Variants in CHODL observed in about 807,000 individuals in gnomAD.
The protein encoded by CHODL is chondrolectin.
CHODL carries 29 observed loss-of-function variants against 34.5 expected under a neutral mutation model. The observed-to-expected ratio is 0.84, with a 90% CI of 0.63 to 1.15. The LOEUF is 1.15. Among genes scored for constraint, CHODL ranks in the 50% most tolerant of loss-of-function variants. CHODL has a pLI of 0.00. For missense variants in CHODL, 332 were observed against 332.5 expected (o/e 1.00, Z 0.01); for synonymous variants, 125 against 116.1 (o/e 1.08, Z -0.49).
chr21:18,057,706 A>G (rs974397222), intron 2 of CHODL, among the ~76,000 whole-genome samples: 49 of 152,138 alleles, frequency 3.2e-4, no homozygotes, highest in African/African-American at 1.1e-3. Context: ...AAAATCTTAT[A>G]TAACCCTGAA....
intron 1 of CHODL, among the ~76,000 whole-genome samples, chr21:18,247,013 A>G (rs1364157968): frequency 2.0e-5 from 3 of 152,222 alleles, no homozygotes; most frequent in East Asian, 1.9e-4. Context: ...TTTCCTTATG[A>G]ATAATTCAAT....
chr21:18,187,327 G>A (rs559779250), intron 2 of CHODL, among the ~76,000 whole-genome samples: 2 of 152,010 alleles, frequency 1.3e-5, no homozygotes, highest in East Asian at 3.9e-4. Flanking sequence ...CCTTCATCCT[G>A]GACTGTATGT....
At chr21:18,094,066 G>A (rs972843367) in intron 2 of CHODL, among the ~76,000 whole-genome samples, 4 of 152,158 alleles carry the variant, frequency 2.6e-5, no homozygotes. Flanking sequence ...AAAAGCAATA[G>A]TGTTATACTT....
rs112297025 is a variant in CHODL, at chr21:17,920,069, C to G, written c.-145+2669C>G. Among the ~76,000 whole-genome samples, 518 of 152,314 alleles carry G rather than the reference C, an allele frequency of 3.4e-3. 5 individuals are homozygous for G. The highest frequency in any genetic ancestry group is 0.012 in the African/African-American group (493 of 41,564). ...CAGCATTTTATTCAAAGCCATTCAACAAGTCTCTAGGGAGTTCCAAACTTT... is the reference window on the plus strand; with the variant it reads ...CAGCATTTTATTCAAAGCCATTCAAGAAGTCTCTAGGGAGTTCCAAACTTT... On this transcript the variant is annotated intron_variant, in intron 1 of 6. Transcript: ENST00000400127.
Position 18,144,891 on chromosome 21 carries a change from CAAAGT to C in CHODL, c.-44-111613_-44-111609del, listed in dbSNP as rs2072850174. 2.0e-5 allele frequency among the ~76,000 whole-genome samples: 3 copies of C among 148,008 alleles called. No homozygotes were observed. In the South Asian group the frequency reaches 6.5e-4, roughly 32 times the overall value. ...CAGGTTATATTCAGAATCACATTAA[CAAAGT>C]AAAGGTTCAAAACAGTATTATTTTT... On this transcript the variant is annotated intron_variant, in intron 2 of 6. Transcript: ENST00000400127.
chr21:18,199,784 T>A (rs373101249), intron 2 of CHODL, among the ~76,000 whole-genome samples: 23 of 152,290 alleles, frequency 1.5e-4, no homozygotes, highest in African/African-American at 5.5e-4. Flanking sequence ...GCTTAAGAGC[T>A]TGTTTCTTTT....
At chr21:18,230,705 G>C (rs756430120) in intron 2 of CHODL, among the ~76,000 whole-genome samples, 6 of 151,996 alleles carry the variant, frequency 3.9e-5, no homozygotes, top group Non-Finnish European at 7.4e-5. Flanking sequence ...GGAGTCAAAA[G>C]GTGGGCTAAT....
At chr21:17,955,358 A>T (rs1384759623) in intron 1 of CHODL, among the ~76,000 whole-genome samples, 1 of 137,194 alleles carries the variant, frequency 7.3e-6, no homozygotes, top group African/African-American at 2.5e-5. Context: ...TCCTGAGAAA[A>T]ACCCTGACTT....
intron 2 of CHODL, among the ~76,000 whole-genome samples, chr21:18,074,235 G>A (rs1320220641): frequency 6.6e-6 from 1 of 152,124 alleles, no homozygotes; most frequent in East Asian, 1.9e-4. Context: ...GGAAAGAACA[G>A]GCTATGTGCA....
chr21:18,178,598 G>A (rs2073344661), intron 2 of CHODL, among the ~76,000 whole-genome samples: 1 of 152,090 alleles, frequency 6.6e-6, no homozygotes, highest in South Asian at 2.1e-4. Context: ...TTGCAATAAA[G>A]TACACTAGAG....
intron 2 of CHODL, among the ~76,000 whole-genome samples, chr21:18,161,706 C>T (rs8129034): frequency 0.019 from 2,962 of 152,066 alleles, 87 homozygotes; most frequent in African/African-American, 0.063. Flanking sequence ...TTAACTTTTT[C>T]GGGGAATTTT....
intron 2 of CHODL, among the ~76,000 whole-genome samples, chr21:18,206,108 G>C (rs1210845000): frequency 6.6e-6 from 1 of 152,234 alleles, no homozygotes; most frequent in South Asian, 2.1e-4. Flanking sequence ...GTGTAACCTG[G>C]AATCACTGGA....
chr21:18,113,167 A>C (rs2065371972), intron 2 of CHODL, among the ~76,000 whole-genome samples: 1 of 152,212 alleles, frequency 6.6e-6, no homozygotes, highest in South Asian at 2.1e-4. Context: ...ATATGAAAAG[A>C]TGCTCAATAA....
intron 1 of CHODL, among the ~76,000 whole-genome samples, chr21:18,019,188 G>C (rs956984093): frequency 1.3e-5 from 2 of 152,130 alleles, no homozygotes; most frequent in Non-Finnish European, 2.9e-5. Context: ...ATTATTTTAA[G>C]CTATTTCTTT....
At chr21:18,152,678 A>G (rs1165106809) in intron 2 of CHODL, among the ~76,000 whole-genome samples, 1 of 152,220 alleles carries the variant, frequency 6.6e-6, no homozygotes, top group Non-Finnish European at 1.5e-5. Context: ...CCAGTTTGCT[A>G]AGATGAATCT....
At chr21:18,100,946 C>A (rs1487350286) in intron 2 of CHODL, among the ~76,000 whole-genome samples, 1 of 152,078 alleles carries the variant, frequency 6.6e-6, no homozygotes, top group Non-Finnish European at 1.5e-5. Flanking sequence ...GTCTACTCAG[C>A]AGTAAATTGG....
At chr21:18,130,417 G>A (rs2146593653) in intron 2 of CHODL, among the ~76,000 whole-genome samples, 1 of 152,164 alleles carries the variant, frequency 6.6e-6, no homozygotes, top group South Asian at 2.1e-4. Flanking sequence ...ACAATTCTTG[G>A]CCAGTGAAAT....
intron 2 of CHODL, among the ~76,000 whole-genome samples, chr21:18,117,373 A>T (rs2146570882): frequency 6.6e-6 from 1 of 152,312 alleles, no homozygotes; most frequent in Middle Eastern, 3.4e-3. Flanking sequence ...CTGTGGTTTA[A>T]GGATCTGCTA....
intron 2 of CHODL, among the ~76,000 whole-genome samples, chr21:18,150,581 C>T (rs138711533): frequency 1.3e-5 from 2 of 152,130 alleles, no homozygotes; most frequent in East Asian, 1.9e-4. Context: ...AAAAAGGGGG[C>T]CAGGGAGCTC....
Sources: gnomAD v4.1 joint callset for allele counts (sites outside exome capture counted in the v4.1 genomes callset) on GRCh38, gnomAD v4.1.1 for gene constraint, MANE v1.5 for transcripts, NCBI Gene and HGNC (gene_info 2026-07-23, HGNC 2026-07-21) for gene names.